GLS: variants seen among roughly 807,000 people sequenced by gnomAD.
GLS encodes glutaminase.
A neutral mutation model predicts 86.7 loss-of-function variants in GLS; 36 were observed. The ratio of observed to expected loss-of-function variants is 0.42; its 90% CI spans 0.32 to 0.55. The LOEUF (loss-of-function observed/expected upper bound fraction) is 0.55, where lower values mean the gene tolerates loss of function less well. Among genes scored for constraint, GLS ranks in the 20% least tolerant of loss-of-function variants. GLS has a pLI of 0.17. For synonymous variants in GLS, 317 were observed against 305.9 expected (o/e 1.04, Z -0.38); for missense variants, 528 against 833.4 (o/e 0.63, Z 4.51).
At chr2:190,933,225 A>C in intron 14 of GLS, 5 of 876,650 alleles carry the variant, frequency 5.7e-6, no homozygotes, top group Non-Finnish European at 6.8e-6. Flanking sequence ...AATTAAACTC[A>C]TAAGTTTTGT....
chr2:190,895,432 G>T lies in GLS; in HGVS notation c.484-172G>T. 1.8e-6 allele frequency: 1 copy of T among 559,602 alleles called. No individual in the cohort carries two copies. 34.7% of individuals were successfully genotyped at this position (559,602 alleles called of 1,614,324 possible). On this transcript the variant is annotated intron_variant, in intron 2 of 17. Transcript: ENST00000320717. The surrounding 1 kb of genome is among the most constrained non-coding windows in gnomAD (Gnocchi z 4.2). ...AGGTAATCAGTGAAAGAAAAAGAAA[G>T]AAACAATGAGAAACTTGTCCAGAAA...
intron 17 of GLS, among the ~76,000 whole-genome samples, chr2:190,961,830 C>T (rs557298187): frequency 8.5e-5 from 13 of 152,118 alleles, no homozygotes; most frequent in Non-Finnish European, 1.5e-4. Flanking sequence ...ATTGTGACTC[C>T]ACTAAGCGGG....
intron 3 of GLS, among the ~76,000 whole-genome samples, chr2:190,899,077 T>C (rs1465263752): frequency 6.6e-6 from 1 of 152,234 alleles, no homozygotes; most frequent in Admixed American, 6.5e-5. Flanking sequence ...TAAATACTGG[T>C]TTAAGATCAG....
chr2:190,882,445 A>T (rs1179427109), intron 1 of GLS, among the ~76,000 whole-genome samples: 1 of 152,196 alleles, frequency 6.6e-6, no homozygotes, highest in South Asian at 2.1e-4. Flanking sequence ...CAAAATGGGT[A>T]AAAATTTACG....
intron 12 of GLS, among the ~76,000 whole-genome samples, chr2:190,929,501 G>C (rs1279610434): frequency 6.8e-6 from 1 of 146,762 alleles, no homozygotes; most frequent in East Asian, 2.0e-4. Context: ...ATGGAGTCTT[G>C]CTTCGTCACC....
rs377519330 is a variant in GLS, at chr2:190,921,102, A to G, written c.1072-43A>G. ...AGTTTTCATGCCACATTCTCTATAT[A>G]TTTGTTTTTTGATTACTAATATTCC... On this transcript the variant is annotated intron_variant, in intron 8 of 17. Coordinates refer to ENST00000320717, the MANE Select transcript of GLS (RefSeq NM_014905.5). This position sits in a 1 kb window ranked among gnomAD's most constrained non-coding sequence, Gnocchi z 4.2. The G allele has an allele frequency of 5.1e-6, 8 of 1,580,996 alleles. No homozygotes were observed. The highest frequency in any genetic ancestry group is 1.3e-5 in the African/African-American group (1 of 74,176).
intron 1 of GLS, among the ~76,000 whole-genome samples, chr2:190,892,965 G>A (rs62179860): frequency 0.012 from 1,763 of 151,790 alleles, 18 homozygotes; most frequent in Admixed American, 0.019. Context: ...TATATTTTAC[G>A]TTATTTACAT....
intron 1 of GLS, among the ~76,000 whole-genome samples, chr2:190,882,494 G>C (rs1030016163): frequency 6.6e-6 from 1 of 152,084 alleles, no homozygotes; most frequent in East Asian, 1.9e-4. Flanking sequence ...TTCTGGCTTT[G>C]TACGCTGACA....
Position 190,920,942 on chromosome 2 carries a change from G to A in GLS, c.1039-82G>A, listed in dbSNP as rs1350624711. 1.2e-5 allele frequency: 9 copies of A among 726,802 alleles called. No homozygotes were observed. The highest frequency in any genetic ancestry group is 3.5e-5 in the African/African-American group (2 of 56,428). 45.0% of individuals were successfully genotyped at this position (726,802 alleles called of 1,614,324 possible). A position where few individuals can be genotyped will look rare whatever the true frequency, so the allele number is the denominator to read the frequency against. On this transcript the variant is annotated intron_variant, in intron 7 of 17. Transcript: ENST00000320717. The surrounding 1 kb of genome is among the most constrained non-coding windows in gnomAD (Gnocchi z 4.2). ...ACTAATGCAGTATATTATAATAGTA[G>A]CTTTGAAATTTTGATATTGGCTTGA...
chr2:190,904,399 A>G (rs543863529), intron 5 of GLS, among the ~76,000 whole-genome samples: 2 of 152,272 alleles, frequency 1.3e-5, no homozygotes, highest in South Asian at 2.1e-4. Flanking sequence ...CCTCAGAGGA[A>G]AATTTCCACA....
At chr2:190,881,589 G>A in intron 1 of GLS, 119 bp downstream of exon 1, 1 of 985,422 alleles carries the variant, frequency 1.0e-6, no homozygotes, top group Non-Finnish European at 1.4e-6. Flanking sequence ...GAAAGAAAGA[G>A]GTGCCGGGCG....
intron 6 of GLS, among the ~76,000 whole-genome samples, chr2:190,908,659 G>A (rs1689246067): frequency 6.6e-6 from 1 of 152,172 alleles, no homozygotes; most frequent in South Asian, 2.1e-4. Context: ...ACAGAGCAGG[G>A]AAGCAAGAAA....
chr2:190,913,713 C>T lies in GLS; in HGVS notation c.1038+3392C>T, dbSNP rs898440547. On this transcript the variant is annotated intron_variant, in intron 7 of 17. Coordinates refer to ENST00000320717, the MANE Select transcript of GLS (RefSeq NM_014905.5). The surrounding 1 kb of genome is among the most constrained non-coding windows in gnomAD (Gnocchi z 6.1). ...AGGATAGGAAAATGAGGACAACATACTGCAAAATAATTGCCACACTTAATG... is the reference window on the plus strand; with the variant it reads ...AGGATAGGAAAATGAGGACAACATATTGCAAAATAATTGCCACACTTAATG... 3 of 972,576 alleles carry T rather than the reference C, an allele frequency of 3.1e-6. No homozygotes were observed. Among genetic ancestry groups the T allele is most frequent in the Middle Eastern group, 5.3e-4 (1 of 1,894 alleles). 60.2% of individuals were successfully genotyped at this position (972,576 alleles called of 1,614,324 possible).
chr2:190,887,258 A>G (rs1688416033), intron 1 of GLS, among the ~76,000 whole-genome samples: 2 of 152,158 alleles, frequency 1.3e-5, no homozygotes, highest in Admixed American at 6.5e-5. Flanking sequence ...CCTGAAATCT[A>G]CTCAGGTGCA....
In GLS at chr2:190,905,303, T is replaced by G; in HGVS notation, c.979+136T>G. On this transcript the variant is annotated intron_variant, in intron 6 of 17. Coordinates refer to ENST00000320717, the MANE Select transcript of GLS (RefSeq NM_014905.5). This position sits in a 1 kb window ranked among gnomAD's most constrained non-coding sequence, Gnocchi z 4.6. ...TTCTATATAATCCATTGAGAGAGTT[T>G]CATCACCTACTTTTAAAAATGATTA... 1 of 594,490 alleles carries G rather than the reference T, an allele frequency of 1.7e-6. No homozygotes were observed. The highest frequency in any genetic ancestry group is 3.2e-5 in the Admixed American group (1 of 31,160). 36.8% of individuals were successfully genotyped at this position (594,490 alleles called of 1,614,324 possible). A position where few individuals can be genotyped will look rare whatever the true frequency, so the allele number is the denominator to read the frequency against.
intron 17 of GLS, among the ~76,000 whole-genome samples, chr2:190,961,790 G>A (rs908153595): frequency 6.8e-6 from 1 of 147,854 alleles, no homozygotes; most frequent in African/African-American, 2.5e-5. Context: ...ATTAAAAAAT[G>A]AGACTGTTTT....
chr2:190,958,229 G>A (rs1348603056), intron 17 of GLS, among the ~76,000 whole-genome samples: 1 of 152,182 alleles, frequency 6.6e-6, no homozygotes, highest in Non-Finnish European at 1.5e-5. Flanking sequence ...GCATAGAGGT[G>A]TTTATAGTAT....
rs1688776074 is a variant in GLS at position 190,897,264 on chromosome 2, A to G, written c.605+1539A>G. Among the ~76,000 whole-genome samples the G allele has an allele frequency of 6.6e-6, 1 of 152,102 alleles. No individual in the cohort carries two copies. Among genetic ancestry groups the G allele is most frequent in the African/African-American group, 2.4e-5 (1 of 41,422 alleles). On this transcript the variant is annotated intron_variant, in intron 3 of 17. Transcript: ENST00000320717. This position sits in a 1 kb window ranked among gnomAD's most constrained non-coding sequence, Gnocchi z 4.3. ...GGTCTCGAACTCCTGACCTCAGGTA[A>G]TCCATCCGCCTCGGCCTCCTAAAGT...
Position 190,954,641 on chromosome 2 carries a change from C to A in GLS, c.1770C>A (p.Leu590=). The change falls in exon 16 of 18, where the codon CTC becomes CTA. Residue 590 remains leucine (L), a synonymous_variant. Transcript: ENST00000320717. This position sits in a 1 kb window ranked among gnomAD's most constrained non-coding sequence, Gnocchi z 4.0. The part of the protein sequence containing the change: ...EQRDYDSRTA[L]HVAAAEGHVE... ...GGGACTATGATTCTAGAACAGCACT[C>A]CATGTAGCTGCTGCAGAGGGTAATA... The A allele has an allele frequency of 6.2e-7, 1 of 1,611,964 alleles. No homozygotes were observed. Among genetic ancestry groups the A allele is most frequent in the Middle Eastern group, 1.7e-4 (1 of 6,058 alleles).
Sources: allele counts gnomAD v4.1 joint callset (sites outside exome capture counted in the v4.1 genomes callset), GRCh38; gene constraint gnomAD v4.1.1; non-coding constraint Gnocchi (gnomAD v3.1); transcripts MANE v1.5; gene names NCBI Gene and HGNC (gene_info 2026-07-23, HGNC 2026-07-21).